The following RGS8 variants were observed in gnomAD, a reference collection of about 807,000 sequenced individuals.
RGS8 encodes regulator of G protein signaling 8.
RGS8 carries 8 observed loss-of-function variants against 21.7 expected under a neutral mutation model. The observed-to-expected ratio is 0.37, with a 90% CI of 0.22 to 0.66. The LOEUF (loss-of-function observed/expected upper bound fraction) is 0.66, where lower values mean the gene tolerates loss of function less well. Among genes scored for constraint, RGS8 ranks in the 30% least tolerant of loss-of-function variants. RGS8 has a pLI of 0.59. For synonymous variants in RGS8, 80 were observed against 83.6 expected (o/e 0.96, Z 0.24); for missense variants, 157 against 217.9 (o/e 0.72, Z 1.76).
At chr1:182,740,968 A>C in the RGS8 span, among the ~76,000 whole-genome samples, 6 of 152,084 alleles carry the variant, frequency 3.9e-5, no homozygotes, top group Non-Finnish European at 5.9e-5. Context: ...CTACACAGAC[A>C]CGGCAACCAT....
chr1:182,662,678 T>A (rs1032156526), intron 5 of RGS8, among the ~76,000 whole-genome samples: 1 of 152,220 alleles, frequency 6.6e-6, no homozygotes, highest in Non-Finnish European at 1.5e-5. Flanking sequence ...AGCACTGATG[T>A]CAGGATTCTA....
At chr1:182,703,078 A>C in the RGS8 span, among the ~76,000 whole-genome samples, 1 of 152,226 alleles carries the variant, frequency 6.6e-6, no homozygotes, top group Non-Finnish European at 1.5e-5. Flanking sequence ...TGTACCATGC[A>C]CTTTGCAATG....
intron 5 of RGS8, among the ~76,000 whole-genome samples, chr1:182,657,144 C>G (rs1663323517): frequency 7.3e-6 from 1 of 136,394 alleles, no homozygotes; most frequent in Non-Finnish European, 1.5e-5. Flanking sequence ...CAAATCCAAA[C>G]ACAACTGCGT....
At chr1:182,679,766 T>C (rs1374191836) in intron 1 of RGS8, among the ~76,000 whole-genome samples, 1 of 151,936 alleles carries the variant, frequency 6.6e-6, no homozygotes, top group East Asian at 1.9e-4. Flanking sequence ...ACACATCATA[T>C]TCCCATCTTT....
At chr1:182,659,040 T>G (rs1363257290) in intron 5 of RGS8, among the ~76,000 whole-genome samples, 1 of 152,248 alleles carries the variant, frequency 6.6e-6, no homozygotes, top group Non-Finnish European at 1.5e-5. Context: ...TGATTTATTA[T>G]AGTTGTATTA....
upstream of RGS8, among the ~76,000 whole-genome samples, chr1:182,685,233 C>T (rs1317149101): frequency 6.6e-6 from 1 of 152,176 alleles, no homozygotes; most frequent in Admixed American, 6.5e-5. Context: ...GTGGCAAGAA[C>T]AGGAGCAAGA....
intron 1 of RGS8, among the ~76,000 whole-genome samples, chr1:182,680,389 TTCA>T (rs1664500793): frequency 6.6e-6 from 1 of 152,126 alleles, no homozygotes; most frequent in African/African-American, 2.4e-5. Context: ...CCTCCTTTAT[TTCA>T]TTTCCTCTGC....
chr1:182,744,594 A>G, the RGS8 span, among the ~76,000 whole-genome samples: 21 of 152,174 alleles, frequency 1.4e-4, no homozygotes, highest in African/African-American at 5.1e-4. Flanking sequence ...TACCTTTTCT[A>G]TGTTTAGTTG....
chr1:182,742,962 CAATT>C, the RGS8 span, among the ~76,000 whole-genome samples: 5 of 152,112 alleles, frequency 3.3e-5, no homozygotes, highest in Admixed American at 2.0e-4. Flanking sequence ...ACTTATTCCT[CAATT>C]AAAGTGGCAT....
At chr1:182,740,210 C>G in the RGS8 span, among the ~76,000 whole-genome samples, 2 of 152,224 alleles carry the variant, frequency 1.3e-5, no homozygotes, top group African/African-American at 4.8e-5. Flanking sequence ...GTAATAGAGA[C>G]CTAAGTGCTG....
the RGS8 span, among the ~76,000 whole-genome samples, chr1:182,725,306 G>T: frequency 1.3e-5 from 2 of 152,200 alleles, no homozygotes; most frequent in African/African-American, 4.8e-5. Flanking sequence ...AAGTTGCCAT[G>T]AAGTTACTTG....
At chr1:182,722,912 A>G in the RGS8 span, among the ~76,000 whole-genome samples, 1 of 152,050 alleles carries the variant, frequency 6.6e-6, no homozygotes, top group African/African-American at 2.4e-5. Context: ...CAGGAGGCGG[A>G]GCTTGCAGTG....
Position 182,646,676 on chromosome 1 carries a change from T to C in RGS8, c.*59A>G, listed in dbSNP as rs887132372. 19 of 1,471,600 alleles carry C rather than the reference T, an allele frequency of 1.3e-5. No individual in the cohort carries two copies. The African/African-American group carries it at 1.7e-4, about 13-fold the overall frequency. The allele number at this position is 1,471,600 out of a possible 1,614,324, so 91.2% of individuals were successfully genotyped here. A position where few individuals can be genotyped will look rare whatever the true frequency, so the allele number is the denominator to read the frequency against. On this transcript the variant is annotated 3_prime_UTR_variant, in exon 7 of 7. Transcript: ENST00000483095. Reference sequence around the variant, plus strand: ...ACCTATGACATTTCACATTAGAATATGATCTTGGCAGCAAGTGGAGGGGAA... The same window carrying C: ...ACCTATGACATTTCACATTAGAATACGATCTTGGCAGCAAGTGGAGGGGAA...
intron 5 of RGS8, among the ~76,000 whole-genome samples, chr1:182,665,726 C>T (rs1324926795): frequency 2.0e-5 from 3 of 152,248 alleles, no homozygotes; most frequent in African/African-American, 4.8e-5. Flanking sequence ...GCTGAGAATA[C>T]GAAGGCTTCT....
At chr1:182,700,038 C>T in the RGS8 span, among the ~76,000 whole-genome samples, 6 of 152,200 alleles carry the variant, frequency 3.9e-5, no homozygotes, top group Admixed American at 6.5e-5. Flanking sequence ...GGATCCAGGG[C>T]GAAGCCTGTG....
At chr1:182,667,055 T>A in intron 3 of RGS8, 82 bp from the exon 5 acceptor site, 6 of 1,156,630 alleles carry the variant, frequency 5.2e-6, no homozygotes, top group Non-Finnish European at 7.8e-6. Context: ...CTGGAGCTGC[T>A]GCTACGGGAG....
the RGS8 span, among the ~76,000 whole-genome samples, chr1:182,748,599 A>T: frequency 0.01 from 1,545 of 152,220 alleles, 27 homozygotes; most frequent in African/African-American, 0.036. Context: ...TATTGATTTC[A>T]ATTTCTTTGG....
chr1:182,652,016 C>T (rs1663044040), intron 5 of RGS8, among the ~76,000 whole-genome samples: 1 of 152,222 alleles, frequency 6.6e-6, no homozygotes, highest in African/African-American at 2.4e-5. Context: ...CTCCATCTTA[C>T]CACATTTTCC....
chr1:182,744,554 C>G, the RGS8 span, among the ~76,000 whole-genome samples: 2 of 152,216 alleles, frequency 1.3e-5, no homozygotes, highest in Non-Finnish European at 2.9e-5. Context: ...TGCCTAGTGA[C>G]ATAGCCATTG....
Sources: gnomAD v4.1 joint callset for allele counts (sites outside exome capture counted in the v4.1 genomes callset) on GRCh38, gnomAD v4.1.1 for gene constraint, MANE v1.5 for transcripts, NCBI Gene and HGNC (gene_info 2026-07-23, HGNC 2026-07-21) for gene names.